The following ACBD6 variants were observed in gnomAD, a reference collection of about 807,000 sequenced individuals.
ACBD6 encodes the protein acyl-CoA-binding domain-containing protein 6.
Under a neutral mutation model 37.2 loss-of-function variants are expected in ACBD6, and 28 were observed. The observed-to-expected ratio is 0.75, with a 90% CI of 0.56 to 1.03. The LOEUF is 1.03. ACBD6 is among the 50% of genes least tolerant of loss of function. ACBD6 has a pLI of 0.00. For synonymous variants in ACBD6, 113 were observed against 126.8 expected, an observed-to-expected ratio of 0.89 and a Z score of 0.73; for missense variants, 340 against 337.4, an observed-to-expected ratio of 1.01 and a Z score of -0.06.
chr1:180,367,446 G>A (rs1031060836), intron 6 of ACBD6, among the ~76,000 whole-genome samples: 2 of 152,052 alleles, frequency 1.3e-5, no homozygotes, highest in Non-Finnish European at 2.9e-5. Flanking sequence ...CAGTTAACTC[G>A]TGTCATAGGG....
rs1652345858 is a variant in ACBD6 at position 180,350,017 on chromosome 1, G to A, written c.664-35295C>T. Among the ~76,000 whole-genome samples, 3 of 128,348 alleles carry A rather than the reference G, an allele frequency of 2.3e-5. No individual in the cohort carries two copies. In the South Asian group the frequency reaches 8.1e-4, roughly 35 times the overall value. 84.2% of individuals were successfully genotyped at this position (128,348 alleles called of 152,430 possible). On this transcript the variant is annotated intron_variant, in intron 6 of 7. Transcript: ENST00000367595. ...ACTAAAGGTGTTTCAGTCCTCTCCA[G>A]TGACCCTTTTTTTTTTTTTTTTTTT...
chr1:180,419,016 C>T (rs1160520691), intron 4 of ACBD6, among the ~76,000 whole-genome samples: 1 of 152,222 alleles, frequency 6.6e-6, no homozygotes, highest in Non-Finnish European at 1.5e-5. Flanking sequence ...CTTCGGGAGG[C>T]CGAGGCGGGT....
chr1:180,403,431 A>T (rs1354545873), intron 5 of ACBD6, among the ~76,000 whole-genome samples: 1 of 152,204 alleles, frequency 6.6e-6, no homozygotes, highest in Non-Finnish European at 1.5e-5. Context: ...TTGTCTGTGT[A>T]CTCCAAAATG....
intron 3 of ACBD6, among the ~76,000 whole-genome samples, chr1:180,478,001 A>G (rs1650866642): frequency 6.6e-6 from 1 of 152,006 alleles, no homozygotes; most frequent in Non-Finnish European, 1.5e-5. Context: ...TTCTTTTGCA[A>G]AAGAAAATTT....
chr1:180,272,802 A>G (rs1337656369), intron 12 of ACBD6: 1 of 152,190 alleles, frequency 6.6e-6, no homozygotes, highest in Non-Finnish European at 1.5e-5. Flanking sequence ...TCCCAAGAGG[A>G]ATACCATATC....
rs145931870 is a variant in ACBD6 at position 180,371,962 on chromosome 1, A to C, written c.663+25554T>G. On this transcript the variant is annotated intron_variant, in intron 6 of 7. Transcript: ENST00000367595. ...CTTACAAGGTCAACAACTGCAGATC[A>C]CAAGAATTCCTTTCCCCACAGTCAC... Among the ~76,000 whole-genome samples the C allele has an allele frequency of 5.7e-3, 870 of 152,316 alleles. 5 individuals are homozygous for C. Among genetic ancestry groups the C allele is most frequent in the African/African-American group, 0.019 (807 of 41,572 alleles).
At chr1:180,292,344 T>A (rs1649742220) in intron 7 of ACBD6, among the ~76,000 whole-genome samples, 1 of 152,176 alleles carries the variant, frequency 6.6e-6, no homozygotes, top group Admixed American at 6.5e-5. Context: ...TTAATTTCGA[T>A]AATATTTAGG....
At chr1:180,343,310 T>C (rs1652049479) in intron 6 of ACBD6, among the ~76,000 whole-genome samples, 1 of 152,046 alleles carries the variant, frequency 6.6e-6, no homozygotes, top group Admixed American at 6.6e-5. Flanking sequence ...CAAATAAATA[T>C]TAAAAACCTA....
chr1:180,354,911 C>G (rs551557629), intron 6 of ACBD6, among the ~76,000 whole-genome samples: 10 of 152,078 alleles, frequency 6.6e-5, no homozygotes, highest in Non-Finnish European at 1.2e-4. Flanking sequence ...AATTAGAATT[C>G]TATAATAAAG....
chr1:180,327,056 A>C (rs1651281285), intron 6 of ACBD6, among the ~76,000 whole-genome samples: 1 of 152,098 alleles, frequency 6.6e-6, no homozygotes, highest in Non-Finnish European at 1.5e-5. Flanking sequence ...GCCCTGGTCC[A>C]CTGTCTCTAA....
chr1:180,358,693 A>G (rs1009313487), intron 6 of ACBD6, among the ~76,000 whole-genome samples: 1 of 152,198 alleles, frequency 6.6e-6, no homozygotes, highest in Non-Finnish European at 1.5e-5. Flanking sequence ...GTGTCCTGAA[A>G]CTAGCAGACT....
chr1:180,453,533 G>C (rs1476334222), intron 3 of ACBD6, among the ~76,000 whole-genome samples: 1 of 152,220 alleles, frequency 6.6e-6, no homozygotes, highest in Non-Finnish European at 1.5e-5. Context: ...CATAGTAGTG[G>C]AAGTTCTGGC....
At chr1:180,361,888 TA>T (rs1376944936) in intron 6 of ACBD6, among the ~76,000 whole-genome samples, 1 of 152,174 alleles carries the variant, frequency 6.6e-6, no homozygotes, top group Non-Finnish European at 1.5e-5. Flanking sequence ...TTCTAGGTTT[TA>T]TATTGTTGCT....
intron 4 of ACBD6, among the ~76,000 whole-genome samples, chr1:180,415,882 GT>G (rs940997285): frequency 6.6e-6 from 1 of 151,728 alleles, no homozygotes; most frequent in African/African-American, 2.4e-5. Context: ...ATATCAACTA[GT>G]TTTTTTTGCT....
chr1:180,443,240 T>C (rs942965234), intron 3 of ACBD6, among the ~76,000 whole-genome samples: 1 of 152,194 alleles, frequency 6.6e-6, no homozygotes, highest in African/African-American at 2.4e-5. Context: ...GCTACTGAAG[T>C]GAAACCCTTC....
At chr1:180,361,170 C>CA (rs1652835618) in intron 6 of ACBD6, among the ~76,000 whole-genome samples, 1 of 151,892 alleles carries the variant, frequency 6.6e-6, no homozygotes, top group Non-Finnish European at 1.5e-5. Flanking sequence ...AAAGCCCAGT[C>CA]AAAAGGGTTT....
At chr1:180,474,655 A>C (rs928410754) in intron 3 of ACBD6, among the ~76,000 whole-genome samples, 3 of 152,184 alleles carry the variant, frequency 2.0e-5, no homozygotes, top group Admixed American at 2.0e-4. Context: ...ACTAATTGAG[A>C]CTAATAGAAT....
chr1:180,302,384 A>G (rs564012817), intron 7 of ACBD6, among the ~76,000 whole-genome samples: 2 of 152,124 alleles, frequency 1.3e-5, no homozygotes, highest in East Asian at 3.9e-4. Flanking sequence ...AACCCTGCAT[A>G]TGAATCTGGG....
chr1:180,475,552 A>G (rs1016113050), intron 3 of ACBD6, among the ~76,000 whole-genome samples: 1 of 151,882 alleles, frequency 6.6e-6, no homozygotes, highest in Non-Finnish European at 1.5e-5. Context: ...ACACTCAGCT[A>G]ATTTTTTATT....
Sources: gnomAD v4.1 joint callset for allele counts (sites outside exome capture counted in the v4.1 genomes callset) on GRCh38, gnomAD v4.1.1 for gene constraint, MANE v1.5 for transcripts, NCBI Gene and HGNC (gene_info 2026-07-23, HGNC 2026-07-21) for gene names.